IL16: variants seen among roughly 807,000 people sequenced by gnomAD.
The protein encoded by IL16 is interleukin 16.
A neutral mutation model predicts 110.1 loss-of-function variants in IL16; 67 were observed. The observed-to-expected ratio is 0.61, with a 90% CI of 0.50 to 0.75. The LOEUF (loss-of-function observed/expected upper bound fraction) is 0.75. Ranked by LOEUF, IL16 falls within the 30% of genes least tolerant of loss-of-function variation. IL16 has a pLI of 0.00. For missense variants in IL16, 1,545 were observed against 1,655.0 expected (o/e 0.93, Z 1.15); for synonymous variants, 689 against 662.9 (o/e 1.04, Z -0.61).
intron 13 of IL16, 120 bp from the exon 14 acceptor site, chr15:81,299,260 C>T: frequency 6.4e-7 from 1 of 1,558,862 alleles, no homozygotes; most frequent in South Asian, 1.1e-5. Context: ...GGGTGTCCCC[C>T]ACTTCTGCTA....
intron 2 of IL16, among the ~76,000 whole-genome samples, chr15:81,235,904 C>T (rs2142081740): frequency 6.6e-6 from 1 of 152,236 alleles, no homozygotes; most frequent in South Asian, 2.1e-4. Context: ...TGGGCATTCC[C>T]ATTGGGTGGG....
chr15:81,260,049 T>G (rs1054994655), intron 3 of IL16, among the ~76,000 whole-genome samples, 169 bp downstream of exon 3: 2 of 152,160 alleles, frequency 1.3e-5, no homozygotes, highest in South Asian at 4.1e-4. Context: ...TTCTGTGTTG[T>G]CTAGCCAGCT....
At chr15:81,220,403 C>A (rs992570475) in intron 1 of IL16, among the ~76,000 whole-genome samples, 1 of 152,194 alleles carries the variant, frequency 6.6e-6, no homozygotes, top group African/African-American at 2.4e-5. Flanking sequence ...AAATCACCCA[C>A]CTCGGCATCC....
intron 1 of IL16, among the ~76,000 whole-genome samples, chr15:81,186,562 G>C (rs1236573427): frequency 6.6e-6 from 1 of 152,200 alleles, no homozygotes; most frequent in Non-Finnish European, 1.5e-5. Context: ...ACCAACCTCA[G>C]AAAAACAGAT....
intron 10 of IL16, chr15:81,289,839 T>C: frequency 4.8e-6 from 2 of 413,034 alleles, no homozygotes; most frequent in South Asian, 3.5e-5. Context: ...TGATGTCAAA[T>C]AATTTATTTT....
chr15:81,204,753 AAAAAAAAAG>A (rs1172232468), intron 1 of IL16, among the ~76,000 whole-genome samples: 2 of 129,248 alleles, frequency 1.5e-5, no homozygotes, highest in South Asian at 2.8e-4. Context: ...CAAAATTAAA[AAAAAAAAAG>A]AAAAAAAAGA....
upstream of IL16, among the ~76,000 whole-genome samples, chr15:81,196,588 A>G (rs944421250): frequency 9.9e-5 from 15 of 152,178 alleles, no homozygotes; most frequent in Non-Finnish European, 2.2e-4. Context: ...TGCCAGGCAC[A>G]TTGCAGGCAC....
chr15:81,238,187 C>A (rs2142090063), intron 2 of IL16, among the ~76,000 whole-genome samples: 1 of 152,336 alleles, frequency 6.6e-6, no homozygotes, highest in African/African-American at 2.4e-5. Flanking sequence ...CAGGCGTGAG[C>A]CACTGCGCCC....
In IL16 at chr15:81,310,075, A is replaced by G. The variant is rs1173919779; in HGVS notation, c.*1277A>G. The stretch of plus-strand genomic sequence containing the variant: ...TGATTGCCAAGCTCAGGACCAGGCA[A>G]TGTGACTTTGCATCAGCAACAACCA... On this transcript the variant is annotated 3_prime_UTR_variant, in exon 19 of 19. Coordinates refer to ENST00000683961, the MANE Select transcript of IL16 (RefSeq NM_172217.5). 6.6e-6 allele frequency: 1 copy of G among 152,248 alleles called. No homozygotes were observed. Among genetic ancestry groups the G allele is most frequent in the East Asian group, 1.9e-4 (1 of 5,200 alleles). The allele number at this position is 152,248 out of a possible 1,614,324, so 9.4% of individuals were successfully genotyped here.
At chr15:81,272,530 A>C (rs1898687584) in intron 5 of IL16, among the ~76,000 whole-genome samples, 1 of 152,232 alleles carries the variant, frequency 6.6e-6, no homozygotes, top group South Asian at 2.1e-4. Flanking sequence ...AATGGCAGAT[A>C]GAGCAGGTGC....
rs1475763017 is a variant in IL16, at chr15:81,309,510, C to G, written c.*712C>G. 1 of 152,328 alleles carries G rather than the reference C, an allele frequency of 6.6e-6. No individual in the cohort carries two copies. The highest frequency in any genetic ancestry group is 1.5e-5 in the Non-Finnish European group (1 of 68,104). The allele number at this position is 152,328 out of a possible 1,614,324, so 9.4% of individuals were successfully genotyped here. Reference sequence around the variant, plus strand: ...TGGCATCACCTCCACCATACTCCATCAGTTAGAGCTGACACAAACCTGCCT... The same window carrying G: ...TGGCATCACCTCCACCATACTCCATGAGTTAGAGCTGACACAAACCTGCCT... On this transcript the variant is annotated 3_prime_UTR_variant, in exon 19 of 19. Transcript: ENST00000683961.
At chr15:81,304,249 T>G (rs3848180) in intron 16 of IL16, among the ~76,000 whole-genome samples, 75,347 of 152,064 alleles carry the variant, frequency 0.5, 19,740 homozygotes, top group African/African-American at 0.68. Flanking sequence ...ACTTAAAACC[T>G]GTAAGTCTCT....
intron 1 of IL16, among the ~76,000 whole-genome samples, chr15:81,218,564 C>G (rs186910474): frequency 7.2e-5 from 11 of 152,236 alleles, no homozygotes; most frequent in African/African-American, 2.6e-4. Flanking sequence ...TCTTTATTTT[C>G]TCATCATAAT....
intron 12 of IL16, among the ~76,000 whole-genome samples, chr15:81,294,770 G>A (rs1487892547): frequency 2.0e-5 from 3 of 152,126 alleles, no homozygotes; most frequent in Admixed American, 2.0e-4. Flanking sequence ...GGAGAGGCGG[G>A]GGTCACAGAG....
At chr15:81,277,250 C>G (rs1365716444) in intron 6 of IL16, among the ~76,000 whole-genome samples, 1 of 151,930 alleles carries the variant, frequency 6.6e-6, no homozygotes, top group African/African-American at 2.4e-5. Flanking sequence ...GTCCAAAATA[C>G]ATTTAATAGG....
At chr15:81,228,853 T>C (rs1303919189) in intron 2 of IL16, among the ~76,000 whole-genome samples, 1 of 152,192 alleles carries the variant, frequency 6.6e-6, no homozygotes, top group African/African-American at 2.4e-5. Context: ...AGTTACTAGC[T>C]GTGTAATCCT....
intron 11 of IL16, chr15:81,292,027 G>A (rs1227576479): frequency 2.2e-6 from 1 of 454,874 alleles, no homozygotes; most frequent in Non-Finnish European, 4.4e-6. Flanking sequence ...AGGGGAGCAG[G>A]CAGGGTAGAC....
rs747434218 is a variant in IL16 at position 81,220,819 on chromosome 15, G to GAA, written c.-101-4479_-101-4478dup. On this transcript the variant is annotated intron_variant, in intron 1 of 18. Coordinates refer to ENST00000683961, the MANE Select transcript of IL16 (RefSeq NM_172217.5). ...ATGAAAAAAAAAAAAAAATGAAAAGGAAGGAAGGAAGGAGGAGGAAGGGAG... is the reference window on the plus strand; with the variant it reads ...ATGAAAAAAAAAAAAAAATGAAAAGGAAAAGGAAGGAAGGAGGAGGAAGGGAG... Among the ~76,000 whole-genome samples, 870 of 146,260 alleles carry GAA rather than the reference G, an allele frequency of 5.9e-3. 3 individuals carry two copies. Among genetic ancestry groups the GAA allele is most frequent in the Middle Eastern group, 0.018 (5 of 282 alleles).
In IL16 at chr15:81,297,021, G is replaced by C. The variant is rs766682484; in HGVS notation, c.1996G>C (p.Gly666Arg). ...TGCCGGCTGCCCAGGACCTGGTATC[G>C]GCCCACAGACCAAGTCCTCCACAGA... ...ASAGCPGPGIGPQTKSSTEGE... is the reference protein window; with the variant it reads ...ASAGCPGPGIRPQTKSSTEGE... The change falls in exon 13 of 19, where the codon GGC (glycine) becomes CGC (arginine). Residue 666 changes from glycine (G) to arginine (R), a missense_variant. Coordinates refer to ENST00000683961, the MANE Select transcript of IL16 (RefSeq NM_172217.5). The C allele has an allele frequency of 5.4e-5, 87 of 1,613,832 alleles. No individual in the cohort carries two copies. The highest frequency in any genetic ancestry group is 3.3e-4 in the South Asian group (30 of 91,076).
Sources: allele counts gnomAD v4.1 joint callset (sites outside exome capture counted in the v4.1 genomes callset), GRCh38; gene constraint gnomAD v4.1.1; transcripts MANE v1.5; gene names NCBI Gene and HGNC (gene_info 2026-07-23, HGNC 2026-07-21).